The following IGSF11 variants were observed in gnomAD, a reference collection of about 807,000 sequenced individuals.
IGSF11 encodes CXADR like 1.
In IGSF11, 22 loss-of-function variants were observed where a neutral mutation model predicts 41.0. That is an observed-to-expected ratio of 0.54 (90% CI 0.38 to 0.77). IGSF11 has a LOEUF of 0.77. IGSF11 is among the 30% of genes least tolerant of loss of function. The probability of loss-of-function intolerance (pLI) is 0.00; values close to 1 mark genes in which losing one functional copy is unlikely to be tolerated. For missense variants in IGSF11, 444 were observed against 530.8 expected (o/e 0.84, Z 1.61); for synonymous variants, 219 against 201.3 (o/e 1.09, Z -0.74).
chr3:118,960,363 G>A (rs892910400), intron 1 of IGSF11, among the ~76,000 whole-genome samples: 10 of 152,030 alleles, frequency 6.6e-5, no homozygotes, highest in African/African-American at 1.4e-4. Flanking sequence ...ACTATTATAC[G>A]GCTATTTTTC....
intron 1 of IGSF11, among the ~76,000 whole-genome samples, chr3:119,115,463 T>C (rs1402195330): frequency 6.6e-6 from 1 of 152,242 alleles, no homozygotes; most frequent in Non-Finnish European, 1.5e-5. Context: ...TGAGATGATA[T>C]CTCATTGAAG....
intron 1 of IGSF11, among the ~76,000 whole-genome samples, chr3:119,131,894 A>C (rs148281768): frequency 2.0e-5 from 3 of 152,356 alleles, no homozygotes; most frequent in Admixed American, 6.5e-5. Flanking sequence ...GAGGGCCAAT[A>C]TTCAACACTC....
At chr3:118,930,890 A>G (rs963181879) in intron 1 of IGSF11, among the ~76,000 whole-genome samples, 1 of 152,120 alleles carries the variant, frequency 6.6e-6, no homozygotes, top group Admixed American at 6.6e-5. Context: ...TAAAAAATAT[A>G]GAAAGACAAA....
At chr3:119,050,479 T>G (rs1941574353) in intron 1 of IGSF11, among the ~76,000 whole-genome samples, 1 of 151,898 alleles carries the variant, frequency 6.6e-6, no homozygotes, top group Non-Finnish European at 1.5e-5. Context: ...TGGCGATCAT[T>G]AAAAAGTCAG....
chr3:118,935,062 G>A (rs1422048793), intron 1 of IGSF11, among the ~76,000 whole-genome samples: 3 of 151,684 alleles, frequency 2.0e-5, no homozygotes, highest in Non-Finnish European at 2.9e-5. Context: ...GTCTCACAAA[G>A]TAGTGTCAGA....
chr3:118,916,903 CTG>C lies in IGSF11; in HGVS notation c.580+9196_580+9197del, dbSNP rs1198684241. On this transcript the variant is annotated intron_variant, in intron 4 of 6. Transcript: ENST00000393775. Reference sequence around the variant, plus strand: ...GTGAAAGAACAGAAATTATAACAAACTGTCTCTCAGACCACAGTGCAATCAAA... The same window carrying C: ...GTGAAAGAACAGAAATTATAACAAACTCTCTCAGACCACAGTGCAATCAAA... Among the ~76,000 whole-genome samples, 25 of 152,084 alleles carry C rather than the reference CTG, an allele frequency of 1.6e-4. No individual in the cohort carries two copies. The East Asian group carries it at 4.8e-3, about 29-fold the overall frequency.
intron 1 of IGSF11, among the ~76,000 whole-genome samples, chr3:119,028,890 T>A (rs1014407033): frequency 6.6e-6 from 1 of 152,132 alleles, no homozygotes; most frequent in Admixed American, 6.5e-5. Context: ...CTGTGGATTG[T>A]ACCAACACCA....
intron 1 of IGSF11, among the ~76,000 whole-genome samples, chr3:118,937,578 G>C (rs77503060): frequency 0.026 from 3,925 of 152,176 alleles, 146 homozygotes; most frequent in African/African-American, 0.089. Flanking sequence ...TAAGTGAAAT[G>C]AAGAGTAATA....
At chr3:119,098,698 T>C (rs937888501) in intron 1 of IGSF11, among the ~76,000 whole-genome samples, 1 of 152,238 alleles carries the variant, frequency 6.6e-6, no homozygotes, top group South Asian at 2.1e-4. Context: ...AAAATATGTT[T>C]TTTAAATTAA....
intron 1 of IGSF11, among the ~76,000 whole-genome samples, chr3:119,131,092 G>A (rs1286187204): frequency 2.6e-5 from 4 of 152,220 alleles, no homozygotes; most frequent in Non-Finnish European, 5.9e-5. Context: ...CAAAGATGGA[G>A]AGAAATCAGA....
At chr3:119,039,770 G>C (rs975604198), upstream of IGSF11, among the ~76,000 whole-genome samples, 1 of 152,142 alleles carries the variant, frequency 6.6e-6, no homozygotes, top group Non-Finnish European at 1.5e-5. Context: ...CTACGTTTTT[G>C]TATAGCTCTC....
chr3:118,939,910 T>C (rs1192623038), intron 1 of IGSF11, among the ~76,000 whole-genome samples: 1 of 152,056 alleles, frequency 6.6e-6, no homozygotes, highest in Non-Finnish European at 1.5e-5. Flanking sequence ...ATCAATAAAA[T>C]CAAAATTTAG....
upstream of IGSF11, chr3:119,034,870 G>C: frequency 8.4e-7 from 1 of 1,194,338 alleles, no homozygotes; most frequent in Non-Finnish European, 1.0e-6. Flanking sequence ...CGCAGTCCGG[G>C]GAGCCACTCC....
chr3:118,985,236 C>T (rs1292392423), intron 1 of IGSF11, among the ~76,000 whole-genome samples: 2 of 152,016 alleles, frequency 1.3e-5, no homozygotes, highest in Non-Finnish European at 2.9e-5. Context: ...AATCAAAAGG[C>T]ACTATGGGAA....
At chr3:119,109,356 G>A (rs559392000), upstream of IGSF11, among the ~76,000 whole-genome samples, 1 of 152,130 alleles carries the variant, frequency 6.6e-6, no homozygotes, top group Admixed American at 6.5e-5. Context: ...ATTTCTTCTA[G>A]ATTTTCTAGT....
In IGSF11 at chr3:119,031,920, C is replaced by G. The variant is rs368669764; in HGVS notation, c.52+2611G>C. Among the ~76,000 whole-genome samples the G allele has an allele frequency of 5.0e-4, 76 of 152,170 alleles. 1 individual carries two copies. The highest frequency in any genetic ancestry group is 1.8e-3 in the African/African-American group (75 of 41,514). ...TCATTTCTTTCTTTTTATACATTTT[C>G]TCAAATTCTGAAAAGTTATCTGCTA... On this transcript the variant is annotated intron_variant, in intron 1 of 6. Transcript: ENST00000393775.
intron 1 of IGSF11, among the ~76,000 whole-genome samples, chr3:119,014,412 T>C (rs569166460): frequency 6.6e-6 from 1 of 152,302 alleles, no homozygotes; most frequent in African/African-American, 2.4e-5. Flanking sequence ...CATATACTAT[T>C]TATACATAGT....
chr3:119,133,948 T>C (rs2077519946), intron 1 of IGSF11, among the ~76,000 whole-genome samples: 1 of 151,984 alleles, frequency 6.6e-6, no homozygotes, highest in Non-Finnish European at 1.5e-5. Flanking sequence ...ATCCATCACA[T>C]AAACAGAACC....
chr3:118,943,751 T>C (rs1343794843), intron 1 of IGSF11, among the ~76,000 whole-genome samples: 2 of 152,234 alleles, frequency 1.3e-5, no homozygotes, highest in Admixed American at 1.3e-4. Flanking sequence ...TTGAGATTTA[T>C]ATTGGGAAAT....
Sources: allele counts gnomAD v4.1 joint callset (sites outside exome capture counted in the v4.1 genomes callset), GRCh38; gene constraint gnomAD v4.1.1; transcripts MANE v1.5; gene names NCBI Gene and HGNC (gene_info 2026-07-23, HGNC 2026-07-21).